Variants in NTNG1 observed in about 807,000 individuals in gnomAD.
NTNG1 encodes netrin-G1.
Under a neutral mutation model 54.0 loss-of-function variants are expected in NTNG1, and 16 were observed. That is an observed-to-expected ratio of 0.30 (90% CI 0.20 to 0.45). The LOEUF is 0.45. Ranked by LOEUF, NTNG1 falls within the 20% of genes least tolerant of loss-of-function variation. The pLI, the probability that NTNG1 is intolerant of heterozygous loss-of-function variation, is 1.00. For synonymous variants in NTNG1, 255 were observed against 263.1 expected (o/e 0.97, Z 0.30); for missense variants, 530 against 678.7 (o/e 0.78, Z 2.43).
intron 2 of NTNG1, among the ~76,000 whole-genome samples, chr1:107,316,307 G>T (rs1267851944): frequency 6.6e-6 from 1 of 152,192 alleles, no homozygotes; most frequent in Admixed American, 6.5e-5. Context: ...GTGGAGTGAA[G>T]CAAATATTTT....
intron 2 of NTNG1, among the ~76,000 whole-genome samples, chr1:107,216,458 T>G (rs11185068): frequency 0.86 from 130,667 of 152,088 alleles, 57,758 homozygotes; most frequent in East Asian, 0.99. Context: ...TTTATTGACC[T>G]GCAGATGTTA....
chr1:107,162,607 A>G (rs976859424), intron 2 of NTNG1, among the ~76,000 whole-genome samples: 5 of 152,184 alleles, frequency 3.3e-5, no homozygotes, highest in African/African-American at 1.2e-4. Flanking sequence ...ATAAATAAAC[A>G]TTGAGCTAAA....
chr1:107,296,148 C>T (rs189307149), intron 2 of NTNG1, among the ~76,000 whole-genome samples: 5 of 152,268 alleles, frequency 3.3e-5, no homozygotes, highest in Admixed American at 6.5e-5. Context: ...AAACATCAGA[C>T]TCACATTTAC....
intron 2 of NTNG1, among the ~76,000 whole-genome samples, chr1:107,286,512 A>G (rs1665212253): frequency 6.6e-6 from 1 of 152,182 alleles, no homozygotes; most frequent in Non-Finnish European, 1.5e-5. Context: ...CATGCTTACC[A>G]TTCATTTTCT....
intron 4 of NTNG1, among the ~76,000 whole-genome samples, chr1:107,402,175 G>A (rs75926869): frequency 6.6e-6 from 1 of 152,246 alleles, no homozygotes; most frequent in African/African-American, 2.4e-5. Context: ...TATCTTTCCT[G>A]TAATTAAGTC....
chr1:107,270,302 TCATTG>T (rs1316029908), intron 2 of NTNG1, among the ~76,000 whole-genome samples: 10 of 152,234 alleles, frequency 6.6e-5, no homozygotes, highest in African/African-American at 2.4e-4. Flanking sequence ...TATGAAAATC[TCATTG>T]TAGACTGCCA....
chr1:107,430,536 T>C (rs907791334), intron 5 of NTNG1: 1 of 677,978 alleles, frequency 1.5e-6, no homozygotes, highest in Non-Finnish European at 2.7e-6. Context: ...TCTTCAGTCT[T>C]GTTCCGAATG....
chr1:107,158,962 A>G (rs1004197466), intron 2 of NTNG1, among the ~76,000 whole-genome samples: 16 of 152,286 alleles, frequency 1.1e-4, no homozygotes, highest in South Asian at 6.2e-4. Flanking sequence ...TGTAGGTCAT[A>G]TGAAGGTTAT....
At chr1:107,369,131 C>G (rs1557939422) in intron 3 of NTNG1, among the ~76,000 whole-genome samples, 2 of 151,964 alleles carry the variant, frequency 1.3e-5, no homozygotes, top group Non-Finnish European at 2.9e-5. Context: ...GTGTATTATT[C>G]CATTATTTAT....
At chr1:107,173,389 C>T (rs1656399530) in intron 2 of NTNG1, among the ~76,000 whole-genome samples, 1 of 152,082 alleles carries the variant, frequency 6.6e-6, no homozygotes, top group Non-Finnish European at 1.5e-5. Context: ...TGTTTCTCTC[C>T]TTCAGTAATA....
intron 1 of NTNG1, among the ~76,000 whole-genome samples, chr1:107,143,721 T>C (rs1360059223): frequency 1.3e-5 from 2 of 151,996 alleles, no homozygotes; most frequent in South Asian, 2.1e-4. Context: ...TTTTCTCATA[T>C]ATGCGTTTGA....
At chr1:107,427,495 G>C (rs978287665) in intron 5 of NTNG1, among the ~76,000 whole-genome samples, 1 of 152,004 alleles carries the variant, frequency 6.6e-6, no homozygotes, top group African/African-American at 2.4e-5. Flanking sequence ...TAAAAAGTAG[G>C]AAATTAACAG....
intron 5 of NTNG1, chr1:107,408,067 A>G (rs937797321): frequency 1.6e-5 from 6 of 366,546 alleles, no homozygotes; most frequent in South Asian, 1.4e-4. Context: ...TCTCTCTTAG[A>G]CTGGATTTGG....
In NTNG1 at chr1:107,428,791, T is replaced by A. The variant is rs187425012; in HGVS notation, c.1088-1959T>A. 6.6e-3 allele frequency among the ~76,000 whole-genome samples: 1,004 copies of A among 152,258 alleles called. 10 individuals carry two copies. The highest frequency in any genetic ancestry group is 0.023 in the African/African-American group (959 of 41,552). Reference sequence around the variant, plus strand: ...TTCTGACTCCCTCAGAAGTCAGTAATGCCAGTATAAACAAGGCGTAACTCT... The same window carrying A: ...TTCTGACTCCCTCAGAAGTCAGTAAAGCCAGTATAAACAAGGCGTAACTCT... On this transcript the variant is annotated intron_variant, in intron 5 of 7. Transcript: ENST00000370068.
chr1:107,284,335 T>A (rs1665058236), intron 2 of NTNG1, among the ~76,000 whole-genome samples: 1 of 152,144 alleles, frequency 6.6e-6, no homozygotes, highest in South Asian at 2.1e-4. Context: ...GAAGAAAACC[T>A]AATTGTGATG....
At chr1:107,199,322 A>G (rs1367537502) in intron 2 of NTNG1, among the ~76,000 whole-genome samples, 2 of 101,158 alleles carry the variant, frequency 2.0e-5, no homozygotes, top group East Asian at 6.2e-4. Flanking sequence ...CACACATTAC[A>G]TATGTTGTAT....
intron 1 of NTNG1, among the ~76,000 whole-genome samples, chr1:107,145,673 C>A (rs1654049627): frequency 6.6e-6 from 1 of 152,076 alleles, no homozygotes; most frequent in Non-Finnish European, 1.5e-5. Context: ...CTATTAATCA[C>A]AACTGGTTAT....
chr1:107,328,329 A>G (rs1447285344), intron 3 of NTNG1, among the ~76,000 whole-genome samples: 2 of 152,146 alleles, frequency 1.3e-5, no homozygotes, highest in Non-Finnish European at 2.9e-5. Context: ...TCTTGATCTC[A>G]TTTTAATTTA....
intron 4 of NTNG1, among the ~76,000 whole-genome samples, chr1:107,397,758 G>A (rs1467753923): frequency 6.7e-6 from 1 of 149,104 alleles, no homozygotes; most frequent in Non-Finnish European, 1.5e-5. Flanking sequence ...TTTTTAAGTA[G>A]TAAAGGAAGT....
Sources: gnomAD v4.1 joint callset for allele counts (sites outside exome capture counted in the v4.1 genomes callset) on GRCh38, gnomAD v4.1.1 for gene constraint, MANE v1.5 for transcripts, NCBI Gene and HGNC (gene_info 2026-07-23, HGNC 2026-07-21) for gene names.